Variants in CHD2 observed in about 807,000 individuals in gnomAD.
CHD2 encodes chromodomain helicase DNA binding protein 2.
A neutral mutation model predicts 243.9 loss-of-function variants in CHD2; 28 were observed. The observed-to-expected ratio is 0.11, with a 90% confidence interval of 0.09 to 0.16. CHD2 has a LOEUF of 0.16. Among genes scored for constraint, CHD2 ranks in the 10% least tolerant of loss-of-function variants. The pLI, the probability that CHD2 is intolerant of heterozygous loss-of-function variation, is 1.00. For missense variants in CHD2, 1,386 were observed against 2,209.8 expected (o/e 0.63, Z 7.47); for synonymous variants, 775 against 779.0 (o/e 0.99, Z 0.09).
chr15:93,018,741 G>T (rs1303544798), intron 37 of CHD2, among the ~76,000 whole-genome samples: 1 of 151,902 alleles, frequency 6.6e-6, no homozygotes, highest in Non-Finnish European at 1.5e-5. Flanking sequence ...CTTGACTCAC[G>T]CCGATTTCTG....
Position 92,972,402 on chromosome 15 carries a change from A to T in CHD2, c.2490A>T (p.Lys830Asn), listed in dbSNP as rs756923574. Residue 830 changes from lysine (K) to asparagine (N), a missense_variant, in exon 19 of 39, where the codon AAA (lysine) becomes AAT (asparagine). Coordinates refer to ENST00000394196, the MANE Select transcript of CHD2 (RefSeq NM_001271.4). ...TCCTGGCTGAATACCTAACTATTAA[A>T]CACTATCCTTTCCAGGTAAGGTGAT... The part of the protein sequence containing the change: ...LDILAEYLTI[K>N]HYPFQRLDGS... 1.2e-6 allele frequency: 2 copies of T among 1,600,830 alleles called. No homozygotes were observed. Among genetic ancestry groups the T allele is most frequent in the South Asian group, 2.2e-5 (2 of 89,204 alleles).
In CHD2 at chr15:92,998,442, G is replaced by A; in HGVS notation, c.3886-57G>A. On this transcript the variant is annotated intron_variant, in intron 30 of 38. Transcript: ENST00000394196. The surrounding 1 kb of genome is among the most constrained non-coding windows in gnomAD (Gnocchi z 5.1). The stretch of plus-strand genomic sequence containing the variant: ...AGTTTTTGTTGTCTCTGTTTATCCT[G>A]ATCCACTAACCAGGATGTGGGTGGT... 1.2e-6 allele frequency: 2 copies of A among 1,608,222 alleles called. No homozygotes were observed. The highest frequency in any genetic ancestry group is 1.7e-6 in the Non-Finnish European group (2 of 1,176,398).
rs539313674 is a variant in CHD2 at position 92,964,852 on chromosome 15, ATG to A, written c.2001-2471_2001-2470del. ...GCAGAAAACAAGTCAGTTTGATAGCATGTATTTCAGAGATTACATCTTTTAGT... is the reference window on the plus strand; with the variant it reads ...GCAGAAAACAAGTCAGTTTGATAGCATATTTCAGAGATTACATCTTTTAGT... On this transcript the variant is annotated intron_variant, in intron 16 of 38. Coordinates refer to ENST00000394196, the MANE Select transcript of CHD2 (RefSeq NM_001271.4). Among the ~76,000 whole-genome samples, 375 of 152,326 alleles carry A rather than the reference ATG, an allele frequency of 2.5e-3. 1 individual carries two copies. The highest frequency in any genetic ancestry group is 8.7e-3 in the African/African-American group (363 of 41,556).
chr15:92,999,008 C>T (rs1051210176), intron 31 of CHD2, among the ~76,000 whole-genome samples: 4 of 134,728 alleles, frequency 3.0e-5, no homozygotes, highest in Non-Finnish European at 6.1e-5. Flanking sequence ...GGTGTGAACC[C>T]GGGAGGCGGA....
rs2053464769 is a variant in CHD2, at chr15:92,946,222, G to A, written c.1377+6G>A. The A allele has an allele frequency of 6.3e-7, 1 of 1,598,304 alleles. No homozygotes were observed. Among genetic ancestry groups the A allele is most frequent in the South Asian group, 1.1e-5 (1 of 89,538 alleles). ...TCCCAACAAGAGAATGCAAGGTATG[G>A]TGATGGTTGGCTTTTGTTTTTTCAG... On this transcript the variant is annotated splice_donor_region_variant and intron_variant, in intron 12 of 38. Transcript: ENST00000394196.
rs74918972 is a variant in CHD2 at position 93,017,829 on chromosome 15, G to C, written c.4907-2183G>C. ...GCTAATGATTTTGCAGAATGATTGG[G>C]AAATGTTTCCCTGTTCTTAGATGTA... On this transcript the variant is annotated intron_variant, in intron 37 of 38. Transcript: ENST00000394196. 2.7e-3 allele frequency among the ~76,000 whole-genome samples: 417 copies of C among 152,290 alleles called. 4 individuals carry two copies. Among genetic ancestry groups the C allele is most frequent in the Middle Eastern group, 0.02 (6 of 294 alleles).
chr15:92,923,797 C>T (rs2053005676), intron 2 of CHD2, among the ~76,000 whole-genome samples: 1 of 152,104 alleles, frequency 6.6e-6, no homozygotes, highest in African/African-American at 2.4e-5. Flanking sequence ...ATCTCCTGAC[C>T]TCGTGATCCG....
chr15:92,914,518 G>A (rs752932560), intron 2 of CHD2, among the ~76,000 whole-genome samples: 1 of 152,202 alleles, frequency 6.6e-6, no homozygotes, highest in Non-Finnish European at 1.5e-5. Flanking sequence ...TGCATGATGA[G>A]GCTAAGGTGA....
At chr15:93,022,716 C>T (rs2054547839) in intron 38 of CHD2, among the ~76,000 whole-genome samples, 1 of 152,232 alleles carries the variant, frequency 6.6e-6, no homozygotes, top group South Asian at 2.1e-4. Flanking sequence ...GAACTCTGGC[C>T]ACCTTGGTTC....
At chr15:92,901,724 C>A (rs1165675697) in intron 2 of CHD2, 1 of 310,852 alleles carries the variant, frequency 3.2e-6, no homozygotes, top group African/African-American at 2.1e-5. Context: ...AACTGAGGGC[C>A]ATAGAGAAGC....
chr15:92,986,596 C>G (rs965323609), intron 26 of CHD2, among the ~76,000 whole-genome samples: 1 of 152,184 alleles, frequency 6.6e-6, no homozygotes, highest in Non-Finnish European at 1.5e-5. Flanking sequence ...CACCCCACCT[C>G]TTCTTGCTCC....
chr15:92,990,139 G>C (rs1436742075), intron 26 of CHD2, among the ~76,000 whole-genome samples: 1 of 152,206 alleles, frequency 6.6e-6, no homozygotes, highest in East Asian at 1.9e-4. Context: ...ACAAGCCTGA[G>C]AATGGAGCTT....
At chr15:92,915,567 G>A (rs1056395685) in intron 2 of CHD2, among the ~76,000 whole-genome samples, 3 of 152,208 alleles carry the variant, frequency 2.0e-5, no homozygotes, top group African/African-American at 7.2e-5. Flanking sequence ...CACCACGCCC[G>A]GCCTAATAAA....
In CHD2 at chr15:92,924,503, C is replaced by G. The variant is rs548561366; in HGVS notation, c.245C>G (p.Ala82Gly). 1 of 1,614,068 alleles carries G rather than the reference C, an allele frequency of 6.2e-7. No individual in the cohort carries two copies. Among genetic ancestry groups the G allele is most frequent in the East Asian group, 2.2e-5 (1 of 44,864 alleles). Residue 82 changes from alanine to glycine, a missense_variant, in exon 3 of 39, where the codon GCC becomes GGC. Ala to Gly is a moderately conservative substitution (Grantham distance 60, BLOSUM62 0). Around this residue, in one of 19 missense-constraint regions of CHD2, gnomAD observed 89 missense variants for 102.4 expected, o/e 0.87. Coordinates refer to ENST00000394196, the MANE Select transcript of CHD2 (RefSeq NM_001271.4). ...GSKSQPVLPEAKEKPASKKER... is the reference protein window; with the variant it reads ...GSKSQPVLPEGKEKPASKKER... ...AAATCCCAGCCAGTCCTCCCAGAAG[C>G]CAAAGAGAAGCCAGCCTCTAAGAAG...
intron 2 of CHD2, among the ~76,000 whole-genome samples, chr15:92,917,416 C>T (rs2052861421): frequency 6.6e-6 from 1 of 152,108 alleles, no homozygotes; most frequent in African/African-American, 2.4e-5. Flanking sequence ...AAACAATTAG[C>T]CAGGTGCAGT....
At chr15:92,992,433 A>G (rs755799486) in intron 27 of CHD2, among the ~76,000 whole-genome samples, 15 of 152,234 alleles carry the variant, frequency 9.9e-5, no homozygotes, top group Non-Finnish European at 2.1e-4. Context: ...AACTAAACAT[A>G]TAGTAGAAGT....
chr15:93,025,808 C>T lies in CHD2; in HGVS notation c.*1103C>T, dbSNP rs1044281008. On this transcript the variant is annotated 3_prime_UTR_variant, in exon 39 of 39. Transcript: ENST00000394196. The stretch of plus-strand genomic sequence containing the variant: ...TAGGTCAACACTTCCTGCTGCATTT[C>T]CTTCCCTTTGCACAGCTTGAAGAAA... 6.6e-6 allele frequency: 1 copy of T among 152,164 alleles called. No homozygotes were observed. Among genetic ancestry groups the T allele is most frequent in the African/African-American group, 2.4e-5 (1 of 41,408 alleles). 9.4% of individuals were successfully genotyped at this position (152,164 alleles called of 1,614,324 possible).
intron 2 of CHD2, among the ~76,000 whole-genome samples, chr15:92,915,347 T>C (rs2052814395): frequency 6.6e-6 from 1 of 152,022 alleles, no homozygotes; most frequent in Admixed American, 6.5e-5. Flanking sequence ...CGATCTCAGC[T>C]CACTGCAAGC....
In CHD2 at chr15:92,900,359, C is replaced by T. The variant is rs868000259; in HGVS notation, c.-537C>T. ...AGGAGGCTCTAGATGGCGGCTGTGCCTTAGAGAGAGCGCGCTCTGCTCCCT... is the reference window on the plus strand; with the variant it reads ...AGGAGGCTCTAGATGGCGGCTGTGCTTTAGAGAGAGCGCGCTCTGCTCCCT... On this transcript the variant is annotated 5_prime_UTR_variant, in exon 1 of 39. Coordinates refer to ENST00000394196, the MANE Select transcript of CHD2 (RefSeq NM_001271.4). The T allele has an allele frequency of 5.1e-6, 2 of 389,398 alleles. No individual in the cohort carries two copies. Among genetic ancestry groups the T allele is most frequent in the Non-Finnish European group, 9.1e-6 (2 of 220,988 alleles). 24.1% of individuals were successfully genotyped at this position (389,398 alleles called of 1,614,324 possible).
Sources: gnomAD v4.1 joint callset for allele counts (sites outside exome capture counted in the v4.1 genomes callset) on GRCh38, gnomAD v4.1.1 for gene constraint, gnomAD v4.1.1 regional missense constraint, Gnocchi (gnomAD v3.1) non-coding constraint, MANE v1.5 for transcripts, NCBI Gene and HGNC (gene_info 2026-07-23, HGNC 2026-07-21) for gene names.